The following LUZP2 variants were observed in gnomAD, a reference collection of about 807,000 sequenced individuals.
The protein encoded by LUZP2 is leucine zipper protein 2.
In LUZP2, 52 loss-of-function variants were observed where a neutral mutation model predicts 51.6. That is an observed-to-expected ratio of 1.01 (90% CI 0.81 to 1.27). LUZP2 has a LOEUF of 1.27. Among genes scored for constraint, LUZP2 ranks in the 50% most tolerant of loss-of-function variants. The pLI, the probability that LUZP2 is intolerant of heterozygous loss-of-function variation, is 0.00. For synonymous variants in LUZP2, 154 were observed against 137.3 expected (o/e 1.12, Z -0.85); for missense variants, 436 against 395.4 (o/e 1.10, Z -0.87).
At chr11:24,596,024 T>C (rs992336335) in intron 1 of LUZP2, among the ~76,000 whole-genome samples, 1 of 152,170 alleles carries the variant, frequency 6.6e-6, no homozygotes, top group African/African-American at 2.4e-5. Flanking sequence ...CTCCTCTACA[T>C]GCCAAAGTGA....
intron 6 of LUZP2, among the ~76,000 whole-genome samples, chr11:24,914,140 A>G (rs900218849): frequency 6.6e-6 from 1 of 152,204 alleles, no homozygotes; most frequent in African/African-American, 2.4e-5. Context: ...TGAGGCATGC[A>G]TATGTACAGA....
intron 1 of LUZP2, among the ~76,000 whole-genome samples, chr11:24,508,871 A>C (rs1177705548): frequency 6.6e-6 from 1 of 152,156 alleles, no homozygotes; most frequent in African/African-American, 2.4e-5. Flanking sequence ...AAGGTCACAA[A>C]ATTAAAAAGG....
intron 7 of LUZP2, among the ~76,000 whole-genome samples, chr11:24,947,380 G>C (rs1590761214): frequency 6.6e-6 from 1 of 151,840 alleles, no homozygotes; most frequent in East Asian, 1.9e-4. Context: ...AGAGGAGGAA[G>C]AGGTAGAAAG....
intron 5 of LUZP2, among the ~76,000 whole-genome samples, chr11:24,798,788 G>A (rs1849614825): frequency 6.9e-6 from 1 of 145,206 alleles, no homozygotes; most frequent in Non-Finnish European, 1.5e-5. Context: ...AGGGAAAGGA[G>A]CAGCTGCAGG....
At chr11:24,579,218 A>G (rs1852764760) in intron 1 of LUZP2, among the ~76,000 whole-genome samples, 1 of 152,098 alleles carries the variant, frequency 6.6e-6, no homozygotes, top group African/African-American at 2.4e-5. Flanking sequence ...CTTGATTTTT[A>G]TTTTCCTTTA....
At chr11:24,983,696 C>G (rs531481256) in intron 9 of LUZP2, among the ~76,000 whole-genome samples, 47 of 151,158 alleles carry the variant, frequency 3.1e-4, no homozygotes, top group Non-Finnish European at 4.1e-4. Context: ...GTCCACAACT[C>G]TCAACACTGG....
chr11:24,510,206 A>T (rs1255800570), intron 1 of LUZP2, among the ~76,000 whole-genome samples: 2 of 152,206 alleles, frequency 1.3e-5, no homozygotes, highest in Non-Finnish European at 2.9e-5. Flanking sequence ...GCTAGCTCTT[A>T]TGTCTTAAAG....
chr11:24,645,380 A>G (rs1210684417), intron 1 of LUZP2, among the ~76,000 whole-genome samples: 1 of 151,410 alleles, frequency 6.6e-6, no homozygotes, highest in Non-Finnish European at 1.5e-5. Context: ...TTGCATAATT[A>G]TATGGTATTG....
intron 1 of LUZP2, among the ~76,000 whole-genome samples, chr11:24,602,381 T>TACACACAC (rs1354717150): frequency 1.2e-4 from 5 of 41,852 alleles, no homozygotes; most frequent in South Asian, 8.4e-4. Flanking sequence ...TGTGTATATA[T>TACACACAC]ATATATACAC....
intron 5 of LUZP2, among the ~76,000 whole-genome samples, chr11:24,790,925 CT>C (rs1164344664): frequency 3.3e-5 from 5 of 152,134 alleles, no homozygotes; most frequent in African/African-American, 4.8e-5. Context: ...TAAAAGTGAT[CT>C]TTTTTGTCTT....
intron 1 of LUZP2, among the ~76,000 whole-genome samples, chr11:24,579,506 G>A (rs911048829): frequency 1.3e-5 from 2 of 152,142 alleles, no homozygotes; most frequent in African/African-American, 2.4e-5. Flanking sequence ...CAAAATTGTT[G>A]TAACTACTCA....
chr11:25,058,680 A>G (rs1023790595), intron 10 of LUZP2, among the ~76,000 whole-genome samples: 1 of 152,202 alleles, frequency 6.6e-6, no homozygotes, highest in African/African-American at 2.4e-5. Context: ...AGGTTCAGAG[A>G]GGGAAGGTGA....
intron 5 of LUZP2, among the ~76,000 whole-genome samples, chr11:24,834,223 G>A (rs948460066): frequency 6.6e-6 from 1 of 152,030 alleles, no homozygotes; most frequent in African/African-American, 2.4e-5. Flanking sequence ...TTAGGTATTT[G>A]TCCTAATGTT....
At chr11:24,998,877 C>A (rs1269299862) in intron 9 of LUZP2, among the ~76,000 whole-genome samples, 1 of 152,028 alleles carries the variant, frequency 6.6e-6, no homozygotes, top group Non-Finnish European at 1.5e-5. Context: ...CAGTCGATAA[C>A]TAAAAACAGT....
At chr11:24,631,500 G>C (rs1029886111) in intron 1 of LUZP2, among the ~76,000 whole-genome samples, 3 of 150,770 alleles carry the variant, frequency 2.0e-5, no homozygotes, top group African/African-American at 7.3e-5. Flanking sequence ...CCTTAGTCCT[G>C]TTTATGTGAT....
chr11:25,042,497 A>G (rs916479978), intron 9 of LUZP2, among the ~76,000 whole-genome samples: 1 of 152,248 alleles, frequency 6.6e-6, no homozygotes, highest in Non-Finnish European at 1.5e-5. Flanking sequence ...ATCAAGAGCT[A>G]GGAAAATGAG....
intron 9 of LUZP2, among the ~76,000 whole-genome samples, chr11:24,992,871 G>C (rs970580575): frequency 4.4e-4 from 67 of 152,134 alleles, no homozygotes; most frequent in African/African-American, 1.5e-3. Context: ...TTTAATTTAA[G>C]TATACATAAT....
chr11:24,758,521 A>C (rs1364408696), intron 4 of LUZP2, among the ~76,000 whole-genome samples: 1 of 152,074 alleles, frequency 6.6e-6, no homozygotes, highest in African/African-American at 2.4e-5. Context: ...AGGTTAAATA[A>C]GGATTAAATT....
chr11:24,585,524 A>C (rs1404196074), intron 1 of LUZP2, among the ~76,000 whole-genome samples: 5 of 152,062 alleles, frequency 3.3e-5, no homozygotes, highest in Non-Finnish European at 7.4e-5. Context: ...TCATGTTTGC[A>C]CTTCATATGC....
Sources: gnomAD v4.1 joint callset for allele counts (sites outside exome capture counted in the v4.1 genomes callset) on GRCh38, gnomAD v4.1.1 for gene constraint, MANE v1.5 for transcripts, NCBI Gene and HGNC (gene_info 2026-07-23, HGNC 2026-07-21) for gene names.